POC1B: variants seen among roughly 807,000 people sequenced by gnomAD.
The protein encoded by POC1B is POC1 centriolar protein B, also known as POC1 centriolar protein homolog B.
In POC1B, 44 loss-of-function variants were observed where a neutral mutation model predicts 60.6. The ratio of observed to expected loss-of-function variants is 0.73; its 90% confidence interval spans 0.57 to 0.93. The LOEUF (loss-of-function observed/expected upper bound fraction) is 0.93, where lower values mean the gene tolerates loss of function less well. POC1B is among the 40% of genes least tolerant of loss of function. The probability of loss-of-function intolerance (pLI) is 0.00; values close to 1 mark genes in which losing one functional copy is unlikely to be tolerated. For missense variants in POC1B, 555 were observed against 572.3 expected, an observed-to-expected ratio of 0.97 and a Z score of 0.31; for synonymous variants, 180 against 198.9, an observed-to-expected ratio of 0.90 and a Z score of 0.80.
At chr12:89,454,195 C>T (rs2120780753) in intron 10 of POC1B, among the ~76,000 whole-genome samples, 1 of 152,312 alleles carries the variant, frequency 6.6e-6, no homozygotes, top group South Asian at 2.1e-4. Flanking sequence ...GAGATATTCT[C>T]AGCTATCCTG....
At chr12:89,478,114 CAT>C (rs2135725067) in intron 4 of POC1B, among the ~76,000 whole-genome samples, 1 of 93,142 alleles carries the variant, frequency 1.1e-5, no homozygotes, top group South Asian at 2.7e-4. Flanking sequence ...TTCATTCATT[CAT>C]TCATTCATTT....
At chr12:89,408,257 C>A in the POC1B span, among the ~76,000 whole-genome samples, 2 of 152,108 alleles carry the variant, frequency 1.3e-5, no homozygotes, top group Non-Finnish European at 2.9e-5. Flanking sequence ...AATAGTGCTG[C>A]AATAAACATA....
intron 11 of POC1B, among the ~76,000 whole-genome samples, chr12:89,422,040 CT>C (rs35124335): frequency 0.34 from 51,063 of 150,244 alleles, 8,996 homozygotes; most frequent in Admixed American, 0.4. Flanking sequence ...TCTTTTGTAT[CT>C]TTTTTTTTTA....
At chr12:89,497,727 T>C (rs993218163) in intron 2 of POC1B, among the ~76,000 whole-genome samples, 10 of 152,130 alleles carry the variant, frequency 6.6e-5, no homozygotes, top group African/African-American at 9.7e-5. Flanking sequence ...GGACTGAATG[T>C]TTTTCCTGAG....
intron 2 of POC1B, chr12:89,523,585 T>C (rs1204178887): frequency 3.2e-6 from 5 of 1,572,618 alleles, no homozygotes; most frequent in Non-Finnish European, 4.3e-6. Context: ...TCCAAGGTAC[T>C]GAAAATATTT....
intron 4 of POC1B, among the ~76,000 whole-genome samples, chr12:89,480,890 A>G (rs990444560): frequency 6.1e-5 from 9 of 146,814 alleles, no homozygotes; most frequent in Non-Finnish European, 7.5e-5. Context: ...ATGAGCCACC[A>G]CGCCCAGCCT....
intron 10 of POC1B, among the ~76,000 whole-genome samples, chr12:89,439,661 G>A (rs1303408434): frequency 1.3e-5 from 2 of 152,162 alleles, no homozygotes; most frequent in African/African-American, 4.8e-5. Flanking sequence ...CTGGAGTGAA[G>A]TGGCATGATC....
intron 10 of POC1B, among the ~76,000 whole-genome samples, chr12:89,434,344 A>T: frequency 6.6e-6 from 1 of 152,210 alleles, no homozygotes; most frequent in Non-Finnish European, 1.5e-5. Context: ...TGATTAATTC[A>T]GTCACCTCGG....
chr12:89,466,706 C>A, intron 9 of POC1B, 64 bp downstream of exon 9: 1 of 1,457,666 alleles, frequency 6.9e-7, no homozygotes, highest in Non-Finnish European at 9.3e-7. Flanking sequence ...ATTTCAAACA[C>A]CTCCTTCAGC....
chr12:89,412,772 G>A, the POC1B span, among the ~76,000 whole-genome samples: 7 of 151,814 alleles, frequency 4.6e-5, no homozygotes, highest in East Asian at 7.7e-4. Flanking sequence ...TCTTGGTTTC[G>A]AGTTCATGAA....
intron 10 of POC1B, among the ~76,000 whole-genome samples, chr12:89,449,788 T>C (rs981415217): frequency 6.6e-6 from 1 of 152,082 alleles, no homozygotes; most frequent in Non-Finnish European, 1.5e-5. Flanking sequence ...GGTATGATAA[T>C]GGATCAAGAA....
intron 2 of POC1B, chr12:89,523,873 A>G: frequency 1.3e-6 from 2 of 1,569,904 alleles, no homozygotes; most frequent in South Asian, 2.4e-5. Context: ...GTGACAATCC[A>G]GGAAAGTGAG....
chr12:89,421,348 C>T (rs1230128257), intron 11 of POC1B, 91 bp from the exon 12 acceptor site: 3 of 1,056,004 alleles, frequency 2.8e-6, no homozygotes, highest in Non-Finnish European at 4.1e-6. Context: ...CTTTTAAGAA[C>T]TGGGATGCCC....
At position 89,421,369 on chromosome 12, in the gene POC1B, C is replaced by A. The variant is rs1880525604; in HGVS notation, c.1333-112G>T. The A allele has an allele frequency of 9.3e-6, 8 of 863,898 alleles. No individual in the cohort carries two copies. In the Admixed American group the frequency reaches 1.7e-4, roughly 18 times the overall value. 53.5% of individuals were successfully genotyped at this position (863,898 alleles called of 1,614,324 possible). ...AGAACTGGGATGCCCACCCTTCTACCAAGAAGTTGGCTCAAAAATGAGCCC... is the reference window on the plus strand; with the variant it reads ...AGAACTGGGATGCCCACCCTTCTACAAAGAAGTTGGCTCAAAAATGAGCCC... On this transcript the variant is annotated intron_variant, in intron 11 of 11. Transcript: ENST00000313546.
intron 2 of POC1B, chr12:89,502,428 T>G: frequency 7.3e-7 from 1 of 1,363,376 alleles, no homozygotes; most frequent in Non-Finnish European, 1.0e-6. Context: ...GAATACTATC[T>G]CCAGGCAAAA....
rs1870347997 is a variant in POC1B at position 89,514,420 on chromosome 12, T to TTTTTTC, written c.100+10699_100+10700insGAAAAA. ...TGTATTTCTTTTTTTTTTTTTTTTT[T>TTTTTTC]TTTTTTTAGACGAAGTCTTACTCTG... On this transcript the variant is annotated intron_variant, in intron 2 of 11. Coordinates refer to ENST00000313546, the MANE Select transcript of POC1B (RefSeq NM_172240.3). Among the ~76,000 whole-genome samples, 2 of 139,916 alleles carry TTTTTTC rather than the reference T, an allele frequency of 1.4e-5. 1 individual carries two copies. The highest frequency in any genetic ancestry group is 4.1e-4 in the East Asian group (2 of 4,916). The allele number at this position is 139,916 out of a possible 152,430, so 91.8% of individuals were successfully genotyped here.
chr12:89,416,591 T>G (rs1485079794), downstream of POC1B, among the ~76,000 whole-genome samples: 1 of 152,100 alleles, frequency 6.6e-6, no homozygotes, highest in African/African-American at 2.4e-5. Flanking sequence ...GCCAGACAGG[T>G]AATGTTTAGC....
At chr12:89,446,067 C>A (rs1477197413) in intron 10 of POC1B, among the ~76,000 whole-genome samples, 1 of 152,182 alleles carries the variant, frequency 6.6e-6, no homozygotes, top group Non-Finnish European at 1.5e-5. Flanking sequence ...CCATCTCACA[C>A]CAGTTAGAAT....
intron 2 of POC1B, chr12:89,523,747 A>G: frequency 6.5e-7 from 1 of 1,544,464 alleles, no homozygotes; most frequent in Non-Finnish European, 8.7e-7. Context: ...CCCTATCTGC[A>G]TATAGAATTC....
Sources: allele counts gnomAD v4.1 joint callset (sites outside exome capture counted in the v4.1 genomes callset), GRCh38; gene constraint gnomAD v4.1.1; transcripts MANE v1.5; gene names NCBI Gene and HGNC (gene_info 2026-07-23, HGNC 2026-07-21).